CTPS2: variants seen among roughly 807,000 people sequenced by gnomAD.
CTPS2 encodes the protein CTP synthase 2, also known as CTP synthase II.
Under a neutral mutation model 46.8 loss-of-function variants are expected in CTPS2, and 19 were observed. The observed-to-expected ratio is 0.41, with a 90% CI of 0.28 to 0.60. The LOEUF (loss-of-function observed/expected upper bound fraction) is 0.60, where lower values mean the gene tolerates loss of function less well. CTPS2 is among the 20% of genes least tolerant of loss of function. The probability of loss-of-function intolerance (pLI) is 0.35; values close to 1 mark genes in which losing one functional copy is unlikely to be tolerated. For missense variants in CTPS2, 286 were observed against 447.6 expected (o/e 0.64, Z 3.26); for synonymous variants, 151 against 165.2 (o/e 0.91, Z 0.66).
chrX:16,663,277 C>G (rs1185647989), intron 13 of CTPS2, among the ~76,000 whole-genome samples: 2 of 111,306 alleles, frequency 1.8e-5, no homozygotes, highest in Non-Finnish European at 3.8e-5. Flanking sequence ...TCCCGAGTAG[C>G]TAGGACTATA....
chrX:16,598,682 G>T (rs1252981083), intron 17 of CTPS2, among the ~76,000 whole-genome samples: 1 of 111,534 alleles, frequency 9.0e-6, no homozygotes, highest in East Asian at 2.8e-4. Context: ...AATAGAAAAA[G>T]AGGGAATCCT....
At chrX:16,654,120 A>G (rs776256321) in intron 13 of CTPS2, among the ~76,000 whole-genome samples, 1 of 112,488 alleles carries the variant, frequency 8.9e-6, no homozygotes, top group Non-Finnish European at 1.9e-5. Flanking sequence ...GGCATAAAGA[A>G]AAAGACCCAA....
At chrX:16,671,454 G>A (rs945618557) in intron 10 of CTPS2, among the ~76,000 whole-genome samples, 11 of 106,483 alleles carry the variant, frequency 1.0e-4, no homozygotes, top group East Asian at 3.0e-4. Context: ...TCTTTCTAGC[G>A]ACCACAGAAG....
chrX:16,615,209 C>A (rs1930469543), intron 16 of CTPS2, among the ~76,000 whole-genome samples: 1 of 109,447 alleles, frequency 9.1e-6, no homozygotes, highest in South Asian at 4.0e-4. Flanking sequence ...CAGGGTGATG[C>A]ACACCTGCAG....
intron 13 of CTPS2, among the ~76,000 whole-genome samples, chrX:16,645,047 A>G (rs1016360344): frequency 9.0e-5 from 10 of 111,354 alleles, no homozygotes; most frequent in Admixed American, 4.7e-4. Context: ...CAGTGGCACG[A>G]TCTCGGCTCA....
intron 13 of CTPS2, among the ~76,000 whole-genome samples, chrX:16,657,949 T>G (rs191395132): frequency 1.6e-3 from 185 of 112,173 alleles, no homozygotes; most frequent in Non-Finnish European, 2.9e-3. Context: ...CTCACGCCTG[T>G]AATCCCACCA....
chrX:16,683,253 T>C, intron 8 of CTPS2, 27 bp from the exon 9 acceptor site: 1 of 1,197,496 alleles, frequency 8.4e-7, no homozygotes, highest in Non-Finnish European at 1.1e-6. Context: ...ACTCAAAGGT[T>C]ATATGCACAT....
At chrX:16,632,902 A>G (rs1276675265) in intron 14 of CTPS2, among the ~76,000 whole-genome samples, 1 of 110,898 alleles carries the variant, frequency 9.0e-6, no homozygotes, top group Non-Finnish European at 1.9e-5. Flanking sequence ...TAAGGAGGTT[A>G]GATCAAACGG....
At chrX:16,624,220 T>G (rs1327848357) in intron 14 of CTPS2, among the ~76,000 whole-genome samples, 1 of 112,018 alleles carries the variant, frequency 8.9e-6, no homozygotes, top group Non-Finnish European at 1.9e-5. Context: ...GGAAATTCTA[T>G]TTTATGCATT....
intron 13 of CTPS2, among the ~76,000 whole-genome samples, chrX:16,659,583 AG>A (rs1221946087): frequency 9.2e-6 from 1 of 108,986 alleles, no homozygotes; most frequent in Non-Finnish European, 1.9e-5. Context: ...AGTCCACCCA[AG>A]GTCACAAAGG....
intron 13 of CTPS2, 139 bp from the exon 14 acceptor site, chrX:16,639,382 C>A: frequency 1.9e-6 from 1 of 518,353 alleles, no homozygotes; most frequent in South Asian, 2.9e-5. Flanking sequence ...TTCCAACGAT[C>A]ATGTTCAAAT....
intron 16 of CTPS2, among the ~76,000 whole-genome samples, chrX:16,612,124 G>A (rs935958023): frequency 2.7e-5 from 3 of 112,008 alleles, no homozygotes; most frequent in Non-Finnish European, 5.6e-5. Flanking sequence ...CCAATATGAG[G>A]AGAAAGTAAA....
chrX:16,646,116 C>T (rs893702240), intron 13 of CTPS2, among the ~76,000 whole-genome samples: 3 of 112,950 alleles, frequency 2.7e-5, no homozygotes, highest in Non-Finnish European at 5.6e-5. Flanking sequence ...AGAAAAAGAA[C>T]CTTCTTATAC....
Position 16,689,610 on chromosome X carries a change from C to G in CTPS2, c.721-9G>C, listed in dbSNP as rs367668826. 1.7e-6 allele frequency: 2 copies of G among 1,190,967 alleles called. No homozygotes were observed. Among genetic ancestry groups the G allele is most frequent in the Non-Finnish European group, 2.3e-6 (2 of 883,015 alleles). On this transcript the variant is annotated splice_polypyrimidine_tract_variant and intron_variant, in intron 7 of 18. Coordinates refer to ENST00000359276, the MANE Select transcript of CTPS2 (RefSeq NM_175859.3). ...TCATGGATACATATGACCTAAGTGG[C>G]GATGAGAAATCACCATACTTAGATG...
At chrX:16,700,770 C>T (rs903474781) in intron 2 of CTPS2, among the ~76,000 whole-genome samples, 16 of 111,022 alleles carry the variant, frequency 1.4e-4, no homozygotes, top group African/African-American at 4.9e-4. Context: ...CCAGACTGAA[C>T]GAGAAATCTC....
chrX:16,702,991 G>C, intron 1 of CTPS2, 50 bp from the exon 2 acceptor site: 1 of 721,940 alleles, frequency 1.4e-6, no homozygotes, highest in Non-Finnish European at 2.0e-6. Flanking sequence ...TTTAAAACTA[G>C]TAAAGCAGAC....
At chrX:16,602,843 G>A (rs918146036) in intron 17 of CTPS2, among the ~76,000 whole-genome samples, 2 of 110,989 alleles carry the variant, frequency 1.8e-5, no homozygotes, top group Non-Finnish European at 3.8e-5. Flanking sequence ...TATTTTCTTA[G>A]TATTATTATG....
intron 10 of CTPS2, among the ~76,000 whole-genome samples, chrX:16,670,983 A>C (rs1432306891): frequency 1.8e-5 from 2 of 112,277 alleles, no homozygotes; most frequent in Non-Finnish European, 3.7e-5. Flanking sequence ...AAACTGAATG[A>C]AAATAGGTTA....
chrX:16,677,493 G>A (rs1922378247), intron 10 of CTPS2, among the ~76,000 whole-genome samples: 2 of 110,833 alleles, frequency 1.8e-5, no homozygotes, highest in Non-Finnish European at 3.8e-5. Flanking sequence ...TTGTCCCTCT[G>A]CAACCCTTAG....
Sources: allele counts gnomAD v4.1 joint callset (sites outside exome capture counted in the v4.1 genomes callset), GRCh38; gene constraint gnomAD v4.1.1; transcripts MANE v1.5; gene names NCBI Gene and HGNC (gene_info 2026-07-23, HGNC 2026-07-21).